Variants in NRXN1 observed in about 807,000 individuals in gnomAD.
The protein encoded by NRXN1 is neurexin-1.
In NRXN1, 39 loss-of-function variants were observed where a neutral mutation model predicts 150.9. That is an observed-to-expected ratio of 0.26 (90% CI 0.20 to 0.34). The LOEUF (loss-of-function observed/expected upper bound fraction) is 0.34. Ranked by LOEUF, NRXN1 falls within the 10% of genes least tolerant of loss-of-function variation. The pLI, the probability that NRXN1 is intolerant of heterozygous loss-of-function variation, is 1.00. For synonymous variants in NRXN1, 924 were observed against 757.0 expected (o/e 1.22, Z -3.62); for missense variants, 1,815 against 1,949.9 (o/e 0.93, Z 1.30).
intron 5 of NRXN1, among the ~76,000 whole-genome samples, chr2:50,725,571 G>C (rs902795652): frequency 6.6e-6 from 1 of 152,066 alleles, no homozygotes; most frequent in Non-Finnish European, 1.5e-5. Context: ...TGTTAACTGG[G>C]TAATTTTTCC....
At chr2:50,168,119 C>T (rs1342917460) in intron 18 of NRXN1, among the ~76,000 whole-genome samples, 1 of 151,934 alleles carries the variant, frequency 6.6e-6, no homozygotes, top group Non-Finnish European at 1.5e-5. Flanking sequence ...AAGGATGTGT[C>T]TCTGCCTCAG....
Position 50,828,315 on chromosome 2 carries a change from A to AT in NRXN1, c.832+93553_832+93554insA, listed in dbSNP as rs571048220. ...CTCCCGGACGGGGCGGCTGGCCGGG[A>AT]GGGGGCTGAACCCCCCGCCTCCCTC... On this transcript the variant is annotated intron_variant, in intron 5 of 22. Transcript: ENST00000401669. Among the ~76,000 whole-genome samples, 33 of 142,306 alleles carry AT rather than the reference A, an allele frequency of 2.3e-4. 3 individuals carry two copies. Among genetic ancestry groups the AT allele is most frequent in the Admixed American group, 3.4e-4 (5 of 14,662 alleles). The allele number at this position is 142,306 out of a possible 152,430, so 93.4% of individuals were successfully genotyped here.
chr2:50,644,588 C>T (rs1684533172), intron 5 of NRXN1, among the ~76,000 whole-genome samples: 1 of 151,420 alleles, frequency 6.6e-6, no homozygotes, highest in Non-Finnish European at 1.5e-5. Context: ...TTCTCTATTA[C>T]CAGTTCACTA....
At chr2:50,765,684 G>C (rs760864461) in intron 5 of NRXN1, among the ~76,000 whole-genome samples, 9 of 152,018 alleles carry the variant, frequency 5.9e-5, no homozygotes, top group Non-Finnish European at 1.0e-4. Flanking sequence ...GAATGGTAAA[G>C]CACTTGCGCA....
chr2:50,636,749 T>A (rs908988280), intron 5 of NRXN1, among the ~76,000 whole-genome samples: 1 of 152,144 alleles, frequency 6.6e-6, no homozygotes, highest in African/African-American at 2.4e-5. Flanking sequence ...CTACTAGATG[T>A]AAATTTCCTA....
chr2:50,324,150 A>G lies in NRXN1; in HGVS notation c.3365-87180T>C, dbSNP rs568499803. ...CAGGCAGGGTATATGCTTGAGTAGA[A>G]GGAGACTAGAGGCAGAAGGACTAGT... On this transcript the variant is annotated intron_variant, in intron 17 of 22. Transcript: ENST00000401669. 1.2e-4 allele frequency among the ~76,000 whole-genome samples: 19 copies of G among 152,358 alleles called. No homozygotes were observed. In the East Asian group the frequency reaches 3.5e-3, roughly 28 times the overall value.
At chr2:49,937,290 C>A (rs1222564434) in intron 22 of NRXN1, among the ~76,000 whole-genome samples, 9 of 152,206 alleles carry the variant, frequency 5.9e-5, no homozygotes, top group South Asian at 2.1e-4. Flanking sequence ...TACCCTCCAG[C>A]CTTTTTTGTT....
chr2:50,712,764 G>A (rs561557781), intron 5 of NRXN1, among the ~76,000 whole-genome samples: 15 of 152,210 alleles, frequency 9.9e-5, no homozygotes, highest in African/African-American at 3.6e-4. Context: ...TTGTGTCCCT[G>A]TGTAACCTCA....
intron 12 of NRXN1, among the ~76,000 whole-genome samples, chr2:50,509,660 G>A (rs1214829144): frequency 6.6e-6 from 1 of 152,158 alleles, no homozygotes; most frequent in Non-Finnish European, 1.5e-5. Flanking sequence ...TTGAATTTGA[G>A]AGTTTGTCCT....
At chr2:50,239,823 T>C (rs2065851882) in intron 17 of NRXN1, among the ~76,000 whole-genome samples, 1 of 149,618 alleles carries the variant, frequency 6.7e-6, no homozygotes, top group East Asian at 2.0e-4. Context: ...TAATGTCTTA[T>C]ATCCATAAAG....
chr2:50,142,488 G>T (rs925742022), intron 18 of NRXN1, among the ~76,000 whole-genome samples: 6 of 151,736 alleles, frequency 4.0e-5, no homozygotes, highest in Non-Finnish European at 8.8e-5. Flanking sequence ...ACATAAAAAT[G>T]ATAAAAGCTC....
At chr2:50,384,378 C>T (rs765656191) in intron 17 of NRXN1, among the ~76,000 whole-genome samples, 5 of 151,424 alleles carry the variant, frequency 3.3e-5, no homozygotes, top group Non-Finnish European at 7.4e-5. Context: ...TGGTTGTATG[C>T]GCCTGTAGTC....
At chr2:50,079,983 T>C (rs1013573507) in intron 19 of NRXN1, among the ~76,000 whole-genome samples, 11 of 152,080 alleles carry the variant, frequency 7.2e-5, no homozygotes, top group African/African-American at 2.7e-4. Context: ...TTTCAGTAAA[T>C]GGCATGCAAT....
chr2:49,921,679 G>C lies in NRXN1; in HGVS notation c.*265C>G, dbSNP rs1668223243. The C allele has an allele frequency of 2.2e-6, 1 of 454,406 alleles. No homozygotes were observed. Among genetic ancestry groups the C allele is most frequent in the South Asian group, 2.6e-5 (1 of 38,616 alleles). The allele number at this position is 454,406 out of a possible 1,614,324, so 28.1% of individuals were successfully genotyped here. A position where few individuals can be genotyped will look rare whatever the true frequency, so the allele number is the denominator to read the frequency against. On this transcript the variant is annotated 3_prime_UTR_variant, in exon 23 of 23. Transcript: ENST00000401669. ...ATCACTGTCTTTTAGAAATGTTCCA[G>C]CAACATAAAGACAAGCAGAGTAAAT...
intron 18 of NRXN1, among the ~76,000 whole-genome samples, chr2:50,224,352 TTC>T (rs1553783761): frequency 6.6e-6 from 1 of 152,044 alleles, no homozygotes; most frequent in Admixed American, 6.6e-5. Flanking sequence ...TGAGATAAAA[TTC>T]ATACCTCAAT....
chr2:50,497,474 G>A lies in NRXN1; in HGVS notation c.2738C>T (p.Ser913Leu), dbSNP rs77454382. The change falls in exon 14 of 23, where the codon TCG (serine) becomes TTG (leucine). Residue 913 changes from serine to leucine, a missense_variant. Ser to Leu is a moderately radical substitution (Grantham distance 145, BLOSUM62 -2). Transcript: ENST00000401669. ...IADPVTFKTKSSYVALATLQA... is the reference protein window; with the variant it reads ...IADPVTFKTKLSYVALATLQA... ...CAAGGTAGCTAAGGCAACATAGCTC[G>A]ATTTGGTCTTGAAGGTGACAGGATC... The A allele has an allele frequency of 5.0e-6, 8 of 1,613,730 alleles. No individual in the cohort carries two copies. Among genetic ancestry groups the A allele is most frequent in the East Asian group, 2.2e-5 (1 of 44,870 alleles).
At chr2:50,927,561 A>G (rs527513646) in intron 2 of NRXN1, among the ~76,000 whole-genome samples, 5 of 152,078 alleles carry the variant, frequency 3.3e-5, no homozygotes, top group Admixed American at 6.6e-5. Context: ...ATGTTACACA[A>G]ACACAAATAT....
At chr2:50,759,686 T>C (rs1294737542) in intron 5 of NRXN1, among the ~76,000 whole-genome samples, 2 of 151,908 alleles carry the variant, frequency 1.3e-5, no homozygotes, top group Admixed American at 6.6e-5. Context: ...ATTCTTGATT[T>C]GGTTAAGGAC....
chr2:49,966,001 C>G (rs1227337997), intron 21 of NRXN1, among the ~76,000 whole-genome samples: 1 of 150,240 alleles, frequency 6.7e-6, no homozygotes, highest in East Asian at 1.9e-4. Context: ...CCACAGTGTT[C>G]TTCTTACGAA....
Sources: gnomAD v4.1 joint callset for allele counts (sites outside exome capture counted in the v4.1 genomes callset) on GRCh38, gnomAD v4.1.1 for gene constraint, MANE v1.5 for transcripts, NCBI Gene and HGNC (gene_info 2026-07-23, HGNC 2026-07-21) for gene names.